TIAM1: variants seen among roughly 807,000 people sequenced by gnomAD.
The protein encoded by TIAM1 is rho guanine nucleotide exchange factor TIAM1.
In TIAM1, 65 loss-of-function variants were observed where a neutral mutation model predicts 163.5. The ratio of observed to expected loss-of-function variants is 0.40; its 90% CI spans 0.33 to 0.49. TIAM1 has a LOEUF of 0.49. TIAM1 is among the 20% of genes least tolerant of loss of function. TIAM1 has a pLI of 0.77. For synonymous variants in TIAM1, 833 were observed against 810.1 expected (o/e 1.03, Z -0.48); for missense variants, 1,789 against 2,044.7 (o/e 0.87, Z 2.41).
intron 2 of TIAM1, among the ~76,000 whole-genome samples, chr21:31,458,337 T>C (rs1430763732): frequency 6.6e-6 from 1 of 151,892 alleles, no homozygotes; most frequent in East Asian, 1.9e-4. Context: ...GGAGAATCGC[T>C]TGAACCCGGG....
At chr21:31,348,020 C>CA (rs1383982363), upstream of TIAM1, among the ~76,000 whole-genome samples, 1 of 152,190 alleles carries the variant, frequency 6.6e-6, no homozygotes. Flanking sequence ...GATTTACACT[C>CA]AGAAATGAAA....
chr21:31,205,534 C>T (rs1029438479), intron 11 of TIAM1, among the ~76,000 whole-genome samples: 1 of 152,180 alleles, frequency 6.6e-6, no homozygotes, highest in Non-Finnish European at 1.5e-5. Flanking sequence ...GTGTGGACTG[C>T]GGAGAACTGC....
chr21:31,182,395 G>GC, intron 15 of TIAM1, 26 bp downstream of exon 15: 3 of 1,487,186 alleles, frequency 2.0e-6, no homozygotes, highest in South Asian at 2.9e-5. Context: ...GTTCAGACTC[G>GC]CCCCCAGCAC....
At chr21:31,140,992 GA>G (rs2082821918) in intron 22 of TIAM1, 125 bp downstream of exon 22, 10 of 705,828 alleles carry the variant, frequency 1.4e-5, no homozygotes, top group Middle Eastern at 8.2e-4. Flanking sequence ...GTTCCACTAA[GA>G]AAAACAACAG....
intron 1 of TIAM1, among the ~76,000 whole-genome samples, chr21:31,538,821 C>A (rs899331184): frequency 6.6e-6 from 1 of 152,152 alleles, no homozygotes; most frequent in African/African-American, 2.4e-5. Context: ...ATGCATTTCT[C>A]GCTGAAACAA....
At chr21:31,216,743 A>T (rs1290338522) in intron 9 of TIAM1, among the ~76,000 whole-genome samples, 1 of 152,110 alleles carries the variant, frequency 6.6e-6, no homozygotes, top group East Asian at 1.9e-4. Flanking sequence ...CAGCCCCTGG[A>T]CCTGAGCAGA....
intron 10 of TIAM1, among the ~76,000 whole-genome samples, chr21:31,211,045 G>A (rs1215654298): frequency 6.6e-6 from 1 of 151,766 alleles, no homozygotes; most frequent in South Asian, 2.1e-4. Context: ...CCTTCAGCAC[G>A]ACCCGGCGCC....
intron 2 of TIAM1, among the ~76,000 whole-genome samples, chr21:31,372,466 C>G (rs928446092): frequency 6.6e-6 from 1 of 152,180 alleles, no homozygotes; most frequent in African/African-American, 2.4e-5. Flanking sequence ...CTGTGACCAA[C>G]CCCTGCTCAG....
At chr21:31,392,835 G>A (rs201067686) in intron 2 of TIAM1, among the ~76,000 whole-genome samples, 11 of 152,042 alleles carry the variant, frequency 7.2e-5, no homozygotes, top group African/African-American at 1.4e-4. Context: ...GTTCCCTTTC[G>A]CCATGTGACA....
chr21:31,368,141 T>C (rs1450810376), intron 2 of TIAM1, among the ~76,000 whole-genome samples: 1 of 152,214 alleles, frequency 6.6e-6, no homozygotes, highest in Non-Finnish European at 1.5e-5. Context: ...ACCAACTTGA[T>C]GGCAAACCTA....
rs1403523192 is a variant in TIAM1, at chr21:31,498,449, C to G, written c.-421-34414G>C. On this transcript the variant is annotated intron_variant, in intron 1 of 28. Coordinates refer to the TIAM1 transcript ENST00000286827. Reference sequence around the variant, plus strand: ...ACCAGGCAAGGGACCCCGCAGCACCCCCACTCTCCCTTAAGGAAACCCACA... The same window carrying G: ...ACCAGGCAAGGGACCCCGCAGCACCGCCACTCTCCCTTAAGGAAACCCACA... Among the ~76,000 whole-genome samples the G allele has an allele frequency of 3.3e-5, 5 of 152,216 alleles. No homozygotes were observed. The East Asian group carries it at 9.6e-4, about 29-fold the overall frequency.
chr21:31,420,379 A>G (rs1035728462), intron 2 of TIAM1, among the ~76,000 whole-genome samples: 1 of 152,218 alleles, frequency 6.6e-6, no homozygotes, highest in African/African-American at 2.4e-5. Context: ...ATCAGTGAAC[A>G]CAAGCTCCAC....
At chr21:31,442,070 A>ATATAT (rs2044441960) in intron 2 of TIAM1, among the ~76,000 whole-genome samples, 8 of 53,240 alleles carry the variant, frequency 1.5e-4, no homozygotes, top group Non-Finnish European at 2.7e-4. Flanking sequence ...CAAATAAATA[A>ATATAT]ATATATATAT....
intron 4 of TIAM1, among the ~76,000 whole-genome samples, chr21:31,254,055 C>A (rs574761065): frequency 6.6e-6 from 1 of 152,142 alleles, no homozygotes; most frequent in Non-Finnish European, 1.5e-5. Context: ...GTTTGGTATG[C>A]GTGAAAACAT....
chr21:31,509,701 G>A (rs1456797372), intron 1 of TIAM1, among the ~76,000 whole-genome samples: 1 of 152,182 alleles, frequency 6.6e-6, no homozygotes, highest in African/African-American at 2.4e-5. Context: ...TACACTGTCA[G>A]ACAGAGATCA....
In TIAM1 at chr21:31,195,405, C is replaced by T. The variant is rs145352928; in HGVS notation, c.2494-100G>A. The T allele has an allele frequency of 2.6e-3, 2,106 of 817,442 alleles. 30 individuals carry two copies. The African/African-American group carries it at 0.033, about 13-fold the overall frequency. The allele number at this position is 817,442 out of a possible 1,614,324, so 50.6% of individuals were successfully genotyped here. A position where few individuals can be genotyped will look rare whatever the true frequency, so the allele number is the denominator to read the frequency against. ...TCTATTTTTTCACAATTGATACTTACGTGAATTTGCACTTCACAATCTTAT... is the reference window on the plus strand; with the variant it reads ...TCTATTTTTTCACAATTGATACTTATGTGAATTTGCACTTCACAATCTTAT... On this transcript the variant is annotated intron_variant, in intron 12 of 27. Coordinates refer to ENST00000541036, the MANE Select transcript of TIAM1 (RefSeq NM_001353694.2).
chr21:31,548,091 C>T (rs2409411), intron 1 of TIAM1, among the ~76,000 whole-genome samples: 66,363 of 148,770 alleles, frequency 0.45, 15,856 homozygotes, highest in African/African-American at 0.63. Flanking sequence ...TTTCCTAAGA[C>T]ATTTCAACAT....
At chr21:31,542,187 A>G (rs1569422933) in intron 1 of TIAM1, among the ~76,000 whole-genome samples, 1 of 152,128 alleles carries the variant, frequency 6.6e-6, no homozygotes, top group Non-Finnish European at 1.5e-5. Context: ...GCACTTTGGG[A>G]GGCCGAGGCG....
At chr21:31,314,083 A>C (rs1382308981) in intron 2 of TIAM1, among the ~76,000 whole-genome samples, 1 of 152,226 alleles carries the variant, frequency 6.6e-6, no homozygotes, top group Non-Finnish European at 1.5e-5. Context: ...TGAATTTTAC[A>C]TATAAAAGCT....
Sources: allele counts gnomAD v4.1 joint callset (sites outside exome capture counted in the v4.1 genomes callset), GRCh38; gene constraint gnomAD v4.1.1; transcripts MANE v1.5; gene names NCBI Gene and HGNC (gene_info 2026-07-23, HGNC 2026-07-21).